PLD5: variants seen among roughly 807,000 people sequenced by gnomAD.
The protein encoded by PLD5 is inactive phospholipase D5.
In PLD5, 36 loss-of-function variants were observed where a neutral mutation model predicts 61.1. The ratio of observed to expected loss-of-function variants is 0.59; its 90% CI spans 0.45 to 0.78. The LOEUF (loss-of-function observed/expected upper bound fraction) is 0.78, where lower values mean the gene tolerates loss of function less well. Ranked by LOEUF, PLD5 falls within the 30% of genes least tolerant of loss-of-function variation. The pLI is 0.00. For missense variants in PLD5, 515 were observed against 644.4 expected, an observed-to-expected ratio of 0.80 and a Z score of 2.17; for synonymous variants, 243 against 242.8, an observed-to-expected ratio of 1.00 and a Z score of -0.01.
intron 2 of PLD5, among the ~76,000 whole-genome samples, chr1:242,296,221 G>C (rs570950742): frequency 6.6e-6 from 1 of 152,162 alleles, no homozygotes; most frequent in East Asian, 1.9e-4. Context: ...GTCTGTTCAC[G>C]TACTTTGACC....
At chr1:242,349,304 T>C (rs12125324) in intron 1 of PLD5, among the ~76,000 whole-genome samples, 9,562 of 152,132 alleles carry the variant, frequency 0.063, 358 homozygotes, top group Middle Eastern at 0.1. Context: ...AGAGAATAGA[T>C]TGTAAATGTT....
intron 3 of PLD5, among the ~76,000 whole-genome samples, chr1:242,284,718 GA>G (rs976140596): frequency 1.4e-4 from 22 of 152,090 alleles, no homozygotes; most frequent in African/African-American, 4.8e-4. Context: ...GAAGAGGAGA[GA>G]AATTCCACTA....
intron 5 of PLD5, among the ~76,000 whole-genome samples, chr1:242,185,971 G>A (rs972562295): frequency 2.0e-5 from 3 of 151,960 alleles, no homozygotes; most frequent in Non-Finnish European, 4.4e-5. Context: ...ATAGGTGCTT[G>A]GCAACAATCC....
At chr1:242,319,809 A>G (rs1658265903) in intron 2 of PLD5, among the ~76,000 whole-genome samples, 1 of 152,228 alleles carries the variant, frequency 6.6e-6, no homozygotes, top group African/African-American at 2.4e-5. Flanking sequence ...TTCACTGAGG[A>G]CAAGTTGAAT....
intron 4 of PLD5, among the ~76,000 whole-genome samples, chr1:242,234,509 G>A (rs1159607006): frequency 6.6e-6 from 1 of 152,168 alleles, no homozygotes; most frequent in Non-Finnish European, 1.5e-5. Context: ...GGTGTCAGCA[G>A]GAATCATGGA....
chr1:242,138,067 T>C (rs1350872782), intron 5 of PLD5, among the ~76,000 whole-genome samples: 1 of 152,194 alleles, frequency 6.6e-6, no homozygotes, highest in Non-Finnish European at 1.5e-5. Context: ...CCACGTATAA[T>C]TATCAAATGA....
At chr1:242,241,005 A>T (rs1313194332) in intron 4 of PLD5, among the ~76,000 whole-genome samples, 1 of 152,222 alleles carries the variant, frequency 6.6e-6, no homozygotes, top group Non-Finnish European at 1.5e-5. Flanking sequence ...GATAAACATG[A>T]TTGGCAGAGA....
chr1:242,460,298 G>A (rs1667077469), intron 1 of PLD5, among the ~76,000 whole-genome samples: 2 of 151,998 alleles, frequency 1.3e-5, no homozygotes, highest in Admixed American at 1.3e-4. Context: ...GTGCATTGTT[G>A]GCACCACGGG....
chr1:242,306,740 A>AACACAC (rs34083497), intron 2 of PLD5, among the ~76,000 whole-genome samples: 1 of 141,036 alleles, frequency 7.1e-6, no homozygotes, highest in African/African-American at 2.6e-5. Flanking sequence ...AATTTATTAA[A>AACACAC]ACACACACAC....
At chr1:242,185,620 T>G (rs1667824066) in intron 5 of PLD5, among the ~76,000 whole-genome samples, 1 of 152,178 alleles carries the variant, frequency 6.6e-6, no homozygotes, top group African/African-American at 2.4e-5. Flanking sequence ...AAACTGTTTA[T>G]TTGTTAGAGA....
intron 1 of PLD5, among the ~76,000 whole-genome samples, chr1:242,479,398 T>C (rs1345086766): frequency 6.6e-6 from 1 of 152,046 alleles, no homozygotes; most frequent in African/African-American, 2.4e-5. Flanking sequence ...CAATGAAAAA[T>C]TGGCAAATGC....
intron 3 of PLD5, among the ~76,000 whole-genome samples, chr1:242,282,241 C>T (rs1266205038): frequency 5.9e-5 from 9 of 152,174 alleles, no homozygotes; most frequent in Non-Finnish European, 1.2e-4. Context: ...GTTCTGTTAT[C>T]GCCCTGATTT....
At chr1:242,493,993 C>T (rs1668264492) in intron 1 of PLD5, among the ~76,000 whole-genome samples, 1 of 152,126 alleles carries the variant, frequency 6.6e-6, no homozygotes, top group African/African-American at 2.4e-5. Flanking sequence ...AGAAAACTTC[C>T]TTTTTATCTT....
intron 3 of PLD5, among the ~76,000 whole-genome samples, chr1:242,285,774 G>C (rs1359457553): frequency 3.3e-5 from 5 of 151,916 alleles, no homozygotes; most frequent in Non-Finnish European, 7.4e-5. Context: ...AACTATAGAA[G>C]TAAACTACAG....
At chr1:242,498,522 A>T (rs115674802) in intron 1 of PLD5, among the ~76,000 whole-genome samples, 5,381 of 152,314 alleles carry the variant, frequency 0.035, 116 homozygotes, top group African/African-American at 0.06. Context: ...GAAATTTATG[A>T]GAAAAACATT....
intron 2 of PLD5, among the ~76,000 whole-genome samples, chr1:242,323,640 C>T (rs1658562908): frequency 6.6e-6 from 1 of 152,218 alleles, no homozygotes; most frequent in South Asian, 2.1e-4. Flanking sequence ...TCCCGAGCTG[C>T]ATAGGAACTG....
intron 9 of PLD5, among the ~76,000 whole-genome samples, chr1:242,092,732 G>A (rs1659931192): frequency 6.6e-6 from 1 of 152,174 alleles, no homozygotes; most frequent in Non-Finnish European, 1.5e-5. Flanking sequence ...GAAGCTGCTG[G>A]AAGAAAGCAC....
intron 1 of PLD5, among the ~76,000 whole-genome samples, chr1:242,508,015 G>A (rs767919519): frequency 2.4e-4 from 35 of 148,840 alleles, no homozygotes; most frequent in Non-Finnish European, 4.0e-4. Context: ...TTCCAATGCC[G>A]ACCAGCAATT....
intron 1 of PLD5, among the ~76,000 whole-genome samples, chr1:242,359,941 G>A (rs546326882): frequency 3.3e-5 from 5 of 152,134 alleles, no homozygotes; most frequent in Non-Finnish European, 7.3e-5. Context: ...ACTAAGTTAT[G>A]TGTAACAGAG....
Sources: allele counts gnomAD v4.1 joint callset (sites outside exome capture counted in the v4.1 genomes callset), GRCh38; gene constraint gnomAD v4.1.1; transcripts MANE v1.5; gene names NCBI Gene and HGNC (gene_info 2026-07-23, HGNC 2026-07-21).